ADGRL2: variants seen among roughly 807,000 people sequenced by gnomAD.
ADGRL2 encodes the protein calcium-independent alpha-latrotoxin receptor 2.
In ADGRL2, 44 loss-of-function variants were observed where a neutral mutation model predicts 157.4. That is an observed-to-expected ratio of 0.28 (90% CI 0.22 to 0.36). The LOEUF is 0.36. ADGRL2 is among the 10% of genes least tolerant of loss of function. The pLI is 1.00. For missense variants in ADGRL2, 1,510 were observed against 1,768.9 expected (o/e 0.85, Z 2.63); for synonymous variants, 585 against 624.7 (o/e 0.94, Z 0.95).
At chr1:81,755,824 A>G (rs530100350) in intron 1 of ADGRL2, among the ~76,000 whole-genome samples, 1 of 149,718 alleles carries the variant, frequency 6.7e-6, no homozygotes, top group East Asian at 2.1e-4. Flanking sequence ...TGCCTGCTGT[A>G]TTAAGCCCAA....
chr1:81,322,295 A>G (rs535140062), intron 1 of ADGRL2, among the ~76,000 whole-genome samples: 2 of 151,868 alleles, frequency 1.3e-5, no homozygotes, highest in South Asian at 4.1e-4. Context: ...TGCTTTTTGT[A>G]CATTGAATGT....
At chr1:81,971,069 G>A (rs1416500191) in intron 16 of ADGRL2, among the ~76,000 whole-genome samples, 1 of 152,116 alleles carries the variant, frequency 6.6e-6, no homozygotes, top group Non-Finnish European at 1.5e-5. Flanking sequence ...AGTGACAGAA[G>A]GTAGACATAG....
intron 17 of ADGRL2, among the ~76,000 whole-genome samples, chr1:81,973,508 A>G (rs1659349994): frequency 6.6e-6 from 1 of 152,202 alleles, no homozygotes; most frequent in African/African-American, 2.4e-5. Context: ...TTTATACTGT[A>G]GTTTTATTTA....
At chr1:81,439,329 G>C (rs2077465941) in intron 1 of ADGRL2, among the ~76,000 whole-genome samples, 1 of 152,226 alleles carries the variant, frequency 6.6e-6, no homozygotes, top group Non-Finnish European at 1.5e-5. Context: ...CTCTGAGGCA[G>C]AGCACTGTAG....
chr1:81,633,889 G>A (rs908283770), intron 3 of ADGRL2, among the ~76,000 whole-genome samples: 73 of 152,194 alleles, frequency 4.8e-4, no homozygotes, highest in African/African-American at 1.7e-3. Flanking sequence ...TCATGATGAA[G>A]GCGGTAGTAA....
intron 2 of ADGRL2, among the ~76,000 whole-genome samples, chr1:81,764,072 G>A (rs1024069340): frequency 7.2e-6 from 1 of 139,118 alleles, no homozygotes; most frequent in South Asian, 2.3e-4. Context: ...CACGCCTGTA[G>A]TCCCAGCTAC....
intron 2 of ADGRL2, among the ~76,000 whole-genome samples, chr1:81,870,343 G>A (rs1322646624): frequency 6.6e-6 from 1 of 151,960 alleles, no homozygotes; most frequent in Non-Finnish European, 1.5e-5. Flanking sequence ...ACATTTAAAT[G>A]TTCTAAAATC....
At chr1:81,767,448 T>C (rs2086174092) in intron 2 of ADGRL2, among the ~76,000 whole-genome samples, 2 of 152,264 alleles carry the variant, frequency 1.3e-5, no homozygotes, top group African/African-American at 4.8e-5. Flanking sequence ...AACTAGAAAG[T>C]GCTACTAAAT....
intron 1 of ADGRL2, among the ~76,000 whole-genome samples, chr1:81,336,871 CTG>C (rs1208137598): frequency 3.9e-5 from 6 of 152,274 alleles, no homozygotes; most frequent in Admixed American, 3.3e-4. Context: ...CTGGCCTGCC[CTG>C]TCTCCCATCT....
At chr1:81,391,109 G>T (rs1450387756) in intron 1 of ADGRL2, among the ~76,000 whole-genome samples, 3 of 152,304 alleles carry the variant, frequency 2.0e-5, no homozygotes, top group Admixed American at 6.5e-5. Context: ...AGTGTAACAG[G>T]CAATCAAGTT....
intron 2 of ADGRL2, among the ~76,000 whole-genome samples, chr1:81,574,592 C>T (rs1212919846): frequency 6.6e-6 from 1 of 152,104 alleles, no homozygotes; most frequent in Non-Finnish European, 1.5e-5. Context: ...CTGCTGAGTG[C>T]TTATTTCATT....
chr1:81,902,459 A>G (rs1310021648), intron 2 of ADGRL2, among the ~76,000 whole-genome samples: 2 of 152,076 alleles, frequency 1.3e-5, no homozygotes, highest in African/African-American at 4.8e-5. Flanking sequence ...TTAGCCGGTC[A>G]TGGTGGTGCG....
At chr1:81,429,887 T>TTTG (rs1334222143) in intron 1 of ADGRL2, among the ~76,000 whole-genome samples, 7 of 151,946 alleles carry the variant, frequency 4.6e-5, no homozygotes, top group East Asian at 1.9e-4. Flanking sequence ...TGTTTTTTGT[T>TTTG]TTGTTGTTGT....
chr1:81,671,190 A>G (rs1176932490), intron 3 of ADGRL2, among the ~76,000 whole-genome samples: 1 of 152,130 alleles, frequency 6.6e-6, no homozygotes, highest in Non-Finnish European at 1.5e-5. Flanking sequence ...TCCTCACCCC[A>G]GACAGTCACA....
At chr1:81,611,077 A>T (rs528629871) in intron 3 of ADGRL2, among the ~76,000 whole-genome samples, 1 of 152,346 alleles carries the variant, frequency 6.6e-6, no homozygotes, top group South Asian at 2.1e-4. Flanking sequence ...GAGGTACAGT[A>T]AAGCCTTCAG....
At chr1:81,944,184 A>G (rs999749804) in intron 6 of ADGRL2, among the ~76,000 whole-genome samples, 1 of 152,038 alleles carries the variant, frequency 6.6e-6, no homozygotes, top group African/African-American at 2.4e-5. Context: ...TTGATGTACA[A>G]TGCCAGATAT....
intron 2 of ADGRL2, among the ~76,000 whole-genome samples, chr1:81,466,554 A>T (rs549745195): frequency 2.6e-4 from 39 of 152,256 alleles, no homozygotes; most frequent in Middle Eastern, 3.4e-3. Flanking sequence ...TCACATTTTG[A>T]TTAAACCTGG....
chr1:81,781,388 C>T (rs1157993522), intron 2 of ADGRL2, among the ~76,000 whole-genome samples: 1 of 152,080 alleles, frequency 6.6e-6, no homozygotes, highest in Non-Finnish European at 1.5e-5. Flanking sequence ...TGCAGATATA[C>T]TTGTTCCTCA....
intron 3 of ADGRL2, among the ~76,000 whole-genome samples, chr1:81,631,514 C>T (rs1199534387): frequency 3.9e-5 from 6 of 152,052 alleles, no homozygotes; most frequent in African/African-American, 9.7e-5. Flanking sequence ...GCCAGGAGAC[C>T]ACACTTTGAA....
Sources: allele counts gnomAD v4.1 joint callset (sites outside exome capture counted in the v4.1 genomes callset), GRCh38; gene constraint gnomAD v4.1.1; transcripts MANE v1.5; gene names NCBI Gene and HGNC (gene_info 2026-07-23, HGNC 2026-07-21).